MARCKS: variants seen among roughly 807,000 people sequenced by gnomAD.
MARCKS encodes myristoylated alanine-rich C-kinase substrate.
A neutral mutation model predicts 6.3 loss-of-function variants in MARCKS; 4 were observed. The ratio of observed to expected loss-of-function variants is 0.63; its 90% CI spans 0.31 to 1.45. The LOEUF (loss-of-function observed/expected upper bound fraction) is 1.45, where lower values mean the gene tolerates loss of function less well. Among genes scored for constraint, MARCKS ranks in the 40% most tolerant of loss-of-function variants. The pLI, the probability that MARCKS is intolerant of heterozygous loss-of-function variation, is 0.07. For missense variants in MARCKS, 636 were observed against 485.7 expected, an observed-to-expected ratio of 1.31 and a Z score of -2.91; for synonymous variants, 289 against 236.5, an observed-to-expected ratio of 1.22 and a Z score of -2.04.
chr6:113,857,608 C>G lies in MARCKS; in HGVS notation c.-138C>G, dbSNP rs1056419385. On this transcript the variant is annotated 5_prime_UTR_variant, in exon 1 of 2. Coordinates refer to ENST00000612661, the MANE Select transcript of MARCKS (RefSeq NM_002356.7). ...GTTCTGTCCTCTCCACCACCCCCAC[C>G]CCCCTCCCTCCGGTGTGTGTGCCGC... The G allele has an allele frequency of 1.9e-5, 7 of 361,698 alleles. 1 individual carries two copies. In the Admixed American group the frequency reaches 2.9e-4, roughly 15 times the overall value. The allele number at this position is 361,698 out of a possible 1,614,324, so 22.4% of individuals were successfully genotyped here. A position where few individuals can be genotyped will look rare whatever the true frequency, so the allele number is the denominator to read the frequency against.
rs974523509 is a variant in MARCKS at position 113,860,666 on chromosome 6, T to G, written c.*87T>G. On this transcript the variant is annotated 3_prime_UTR_variant, in exon 2 of 2. Transcript: ENST00000612661. ...TGCCAGGTACTGGTTTTGGAGAACT[T>G]GTCTACAACCAGGGATTGATTTTAA... The G allele has an allele frequency of 1.9e-5, 18 of 929,902 alleles. No individual in the cohort carries two copies. The highest frequency in any genetic ancestry group is 2.7e-5 in the Non-Finnish European group (18 of 664,522). The allele number at this position is 929,902 out of a possible 1,614,324, so 57.6% of individuals were successfully genotyped here. A position where few individuals can be genotyped will look rare whatever the true frequency, so the allele number is the denominator to read the frequency against.
At position 113,857,448 on chromosome 6, in the gene MARCKS, CTT is replaced by C; in HGVS notation, c.-290_-289del. On this transcript the variant is annotated 5_prime_UTR_variant, in exon 1 of 2. Coordinates refer to ENST00000612661, the MANE Select transcript of MARCKS (RefSeq NM_002356.7). Reference sequence around the variant, plus strand: ...CAAATCTGGGATTTTTTTATTACTTCTTTTTTTTTCGAACTACACTTGGGCTC... The same window carrying C: ...CAAATCTGGGATTTTTTTATTACTTCTTTTTTTCGAACTACACTTGGGCTC... 2.9e-6 allele frequency: 1 copy of C among 342,648 alleles called. No homozygotes were observed. Among genetic ancestry groups the C allele is most frequent in the Non-Finnish European group, 5.4e-6 (1 of 186,520 alleles). The allele number at this position is 342,648 out of a possible 1,614,324, so 21.2% of individuals were successfully genotyped here.
Position 113,860,646 on chromosome 6 carries a change from G to T in MARCKS, c.*67G>T. 8.3e-7 allele frequency: 1 copy of T among 1,208,418 alleles called. No homozygotes were observed. The highest frequency in any genetic ancestry group is 1.1e-6 in the Non-Finnish European group (1 of 899,212). The allele number at this position is 1,208,418 out of a possible 1,614,324, so 74.9% of individuals were successfully genotyped here. ...CCGTTTGTTTGTTGGAGTGGTGCCAGGTACTGGTTTTGGAGAACTTGTCTA... is the reference window on the plus strand; with the variant it reads ...CCGTTTGTTTGTTGGAGTGGTGCCATGTACTGGTTTTGGAGAACTTGTCTA... On this transcript the variant is annotated 3_prime_UTR_variant, in exon 2 of 2. Coordinates refer to ENST00000612661, the MANE Select transcript of MARCKS (RefSeq NM_002356.7).
chr6:113,857,433 AT>A lies in MARCKS; in HGVS notation c.-306del. Reference sequence around the variant, plus strand: ...TCTACAGTGCGGCTACAAATCTGGGATTTTTTTATTACTTCTTTTTTTTTCG... The same window carrying A: ...TCTACAGTGCGGCTACAAATCTGGGATTTTTTATTACTTCTTTTTTTTTCG... On this transcript the variant is annotated 5_prime_UTR_variant, in exon 1 of 2. Coordinates refer to ENST00000612661, the MANE Select transcript of MARCKS (RefSeq NM_002356.7). The A allele has an allele frequency of 3.2e-6, 1 of 313,646 alleles. No individual in the cohort carries two copies. Among genetic ancestry groups the A allele is most frequent in the East Asian group, 9.4e-5 (1 of 10,616 alleles). The allele number at this position is 313,646 out of a possible 1,614,324, so 19.4% of individuals were successfully genotyped here.
Position 113,862,267 on chromosome 6 carries a change from T to C in MARCKS, c.*1688T>C, listed in dbSNP as rs1377538588. The C allele has an allele frequency of 6.6e-6, 1 of 152,144 alleles. No homozygotes were observed. The highest frequency in any genetic ancestry group is 1.5e-5 in the Non-Finnish European group (1 of 67,966). The allele number at this position is 152,144 out of a possible 1,614,324, so 9.4% of individuals were successfully genotyped here. The stretch of plus-strand genomic sequence containing the variant: ...ATGTGTTTCAAAAATTGATGGTGTA[T>C]TACCTGCTATTGTAATTGCTTAGTG... On this transcript the variant is annotated 3_prime_UTR_variant, in exon 2 of 2. Coordinates refer to ENST00000612661, the MANE Select transcript of MARCKS (RefSeq NM_002356.7).
chr6:113,860,684 G>A lies in MARCKS; in HGVS notation c.*105G>A. 1.4e-6 allele frequency: 1 copy of A among 740,342 alleles called. No individual in the cohort carries two copies. The highest frequency in any genetic ancestry group is 2.0e-6 in the Non-Finnish European group (1 of 512,156). The allele number at this position is 740,342 out of a possible 1,614,324, so 45.9% of individuals were successfully genotyped here. ...GAGAACTTGTCTACAACCAGGGATT[G>A]ATTTTAAAGATGTCTTTTTTTATTT... On this transcript the variant is annotated 3_prime_UTR_variant, in exon 2 of 2. Coordinates refer to ENST00000612661, the MANE Select transcript of MARCKS (RefSeq NM_002356.7).
At chr6:113,859,055 C>T (rs982664915) in intron 1 of MARCKS, among the ~76,000 whole-genome samples, 6 of 152,056 alleles carry the variant, frequency 3.9e-5, no homozygotes, top group African/African-American at 1.4e-4. Context: ...GGCCCGGCGA[C>T]TCCGCCCCTC....
chr6:113,860,466 GC>G lies in MARCKS; in HGVS notation c.891del (p.Ala298ArgfsTer71). 4.3e-6 allele frequency: 6 copies of G among 1,403,620 alleles called. No homozygotes were observed. Among genetic ancestry groups the G allele is most frequent in the South Asian group, 1.5e-5 (1 of 67,284 alleles). 86.9% of individuals were successfully genotyped at this position (1,403,620 alleles called of 1,614,324 possible). A position where few individuals can be genotyped will look rare whatever the true frequency, so the allele number is the denominator to read the frequency against. On this transcript the variant is annotated frameshift_variant, in exon 2 of 2. Transcript: ENST00000612661. LOFTEE classifies it high-confidence loss of function. ...GPGAPPEQEA[A>X]PAEEPAAAAA... is the part of the protein sequence containing the mutation. ...CGGCGCGCCCCCGGAGCAGGAGGCA[GC>G]CCCCGCGGAGGAGCCCGCGGCCGCC...
In MARCKS at chr6:113,862,290, G is replaced by A. The variant is rs1478616150; in HGVS notation, c.*1711G>A. ...TATTACCTGCTATTGTAATTGCTTA[G>A]TGCTTGGCTAATTTCCAAATTATTG... is the stretch of plus-strand genomic sequence containing the variant. On this transcript the variant is annotated 3_prime_UTR_variant, in exon 2 of 2. Coordinates refer to ENST00000612661, the MANE Select transcript of MARCKS (RefSeq NM_002356.7). 1 of 152,000 alleles carries A rather than the reference G, an allele frequency of 6.6e-6. No homozygotes were observed. The highest frequency in any genetic ancestry group is 1.9e-4 in the East Asian group (1 of 5,198). The allele number at this position is 152,000 out of a possible 1,614,324, so 9.4% of individuals were successfully genotyped here.
Position 113,860,406 on chromosome 6 carries a change from G to GCCGCCGCCTGCGAGGCCCCCT in MARCKS, c.835_855dup (p.Cys279_Ala285dup), listed in dbSNP as rs1269846455. The stretch of plus-strand genomic sequence containing the variant: ...AAAGGCCGAGGAGGCCGGGGCCAGC[G>GCCGCCGCCTGCGAGGCCCCCT]CCGCCGCCTGCGAGGCCCCCTCCGC... On this transcript the variant is annotated inframe_insertion, in exon 2 of 2. Coordinates refer to ENST00000612661, the MANE Select transcript of MARCKS (RefSeq NM_002356.7). 2.6e-6 allele frequency: 3 copies of GCCGCCGCCTGCGAGGCCCCCT among 1,156,172 alleles called. No individual in the cohort carries two copies. Among genetic ancestry groups the GCCGCCGCCTGCGAGGCCCCCT allele is most frequent in the Non-Finnish European group, 3.2e-6 (3 of 926,208 alleles). 71.6% of individuals were successfully genotyped at this position (1,156,172 alleles called of 1,614,324 possible).
At position 113,861,811 on chromosome 6, in the gene MARCKS, TTG is replaced by T; in HGVS notation, c.*1236_*1237del. The stretch of plus-strand genomic sequence containing the variant: ...AATGTGAATAAAATGTACAAATTTG[TTG>T]TGTTTTTTTATGTTCTAATAATACT... On this transcript the variant is annotated 3_prime_UTR_variant, in exon 2 of 2. Transcript: ENST00000612661. 6.5e-6 allele frequency: 1 copy of T among 152,716 alleles called. No homozygotes were observed. The highest frequency in any genetic ancestry group is 1.9e-4 in the East Asian group (1 of 5,190). The allele number at this position is 152,716 out of a possible 1,614,324, so 9.5% of individuals were successfully genotyped here.
Position 113,863,323 on chromosome 6 carries a change from C to G in MARCKS, c.*2744C>G, listed in dbSNP as rs1774931797. The stretch of plus-strand genomic sequence containing the variant: ...TGAGATTAAGGAAAAATAAATAACT[C>G]TTGTACAGTTCAGTATTGTCTATTA... On this transcript the variant is annotated 3_prime_UTR_variant, in exon 2 of 2. Transcript: ENST00000612661. 6.6e-6 allele frequency: 1 copy of G among 152,052 alleles called. No homozygotes were observed. Among genetic ancestry groups the G allele is most frequent in the Non-Finnish European group, 1.5e-5 (1 of 67,982 alleles). The allele number at this position is 152,052 out of a possible 1,614,324, so 9.4% of individuals were successfully genotyped here.
rs1357883312 is a variant in MARCKS, at chr6:113,861,539, T to C, written c.*960T>C. 3 of 152,628 alleles carry C rather than the reference T, an allele frequency of 2.0e-5. No individual in the cohort carries two copies. Among genetic ancestry groups the C allele is most frequent in the Non-Finnish European group, 4.4e-5 (3 of 68,026 alleles). 9.5% of individuals were successfully genotyped at this position (152,628 alleles called of 1,614,324 possible). A position where few individuals can be genotyped will look rare whatever the true frequency, so the allele number is the denominator to read the frequency against. On this transcript the variant is annotated 3_prime_UTR_variant, in exon 2 of 2. Coordinates refer to ENST00000612661, the MANE Select transcript of MARCKS (RefSeq NM_002356.7). ...TGATAAGTGGAATGGTTACTGTTTA[T>C]ACTGTGGTATGTTTTTGATTACAGC...
Position 113,863,076 on chromosome 6 carries a change from A to G in MARCKS, c.*2497A>G, listed in dbSNP as rs1221100245. On this transcript the variant is annotated 3_prime_UTR_variant, in exon 2 of 2. Coordinates refer to ENST00000612661, the MANE Select transcript of MARCKS (RefSeq NM_002356.7). Reference sequence around the variant, plus strand: ...AAATCCTGTTAGCAAACTGTTATATATTGCTAAGTTTGTTCTTTTAACAGC... The same window carrying G: ...AAATCCTGTTAGCAAACTGTTATATGTTGCTAAGTTTGTTCTTTTAACAGC... The G allele has an allele frequency of 6.6e-6, 1 of 152,140 alleles. No homozygotes were observed. The highest frequency in any genetic ancestry group is 2.4e-5 in the African/African-American group (1 of 41,442). The allele number at this position is 152,140 out of a possible 1,614,324, so 9.4% of individuals were successfully genotyped here. A position where few individuals can be genotyped will look rare whatever the true frequency, so the allele number is the denominator to read the frequency against.
rs1280048603 is a variant in MARCKS at position 113,860,270 on chromosome 6, G to A, written c.690G>A (p.Ala230=). Residue 230 remains alanine, a synonymous_variant, in exon 2 of 2, where the codon GCG becomes GCA. Transcript: ENST00000612661. The stretch of plus-strand genomic sequence containing the variant: ...CGGCAGCGGGCGAGGAGGGGGCGGC[G>A]GGTGGCGACCCGCAGGAGGCCAAGC... ...EEAAAGEEGA[A]GGDPQEAKPQ... is the part of the protein sequence containing the mutation. The A allele has an allele frequency of 2.5e-5, 30 of 1,185,598 alleles. No homozygotes were observed. The highest frequency in any genetic ancestry group is 8.9e-5 in the Admixed American group (2 of 22,592). 73.4% of individuals were successfully genotyped at this position (1,185,598 alleles called of 1,614,324 possible). A position where few individuals can be genotyped will look rare whatever the true frequency, so the allele number is the denominator to read the frequency against.
Position 113,857,705 on chromosome 6 carries a change from C to G in MARCKS, c.-41C>G, listed in dbSNP as rs1233242439. 3 of 1,490,900 alleles carry G rather than the reference C, an allele frequency of 2.0e-6. No individual in the cohort carries two copies. Among genetic ancestry groups the G allele is most frequent in the East Asian group, 5.0e-5 (2 of 40,152 alleles). 92.4% of individuals were successfully genotyped at this position (1,490,900 alleles called of 1,614,324 possible). ...ACACCAACCCGAGGCTCTTTGTTTC[C>G]CCTCTTGGATCTGTTGAGTTTCTTT... is the stretch of plus-strand genomic sequence containing the variant. On this transcript the variant is annotated 5_prime_UTR_variant, in exon 1 of 2. Transcript: ENST00000612661.
chr6:113,860,523 C>T lies in MARCKS; in HGVS notation c.943C>T (p.Gln315Ter). 6.4e-7 allele frequency: 1 copy of T among 1,553,628 alleles called. No individual in the cohort carries two copies. The highest frequency in any genetic ancestry group is 8.7e-7 in the Non-Finnish European group (1 of 1,154,262). Residue 315 changes from glutamine (Q) to a stop codon, truncating the protein, a stop_gained, in exon 2 of 2, where the codon CAG becomes TAG. Coordinates refer to ENST00000612661, the MANE Select transcript of MARCKS (RefSeq NM_002356.7). LOFTEE classifies it high-confidence loss of function. The stretch of plus-strand genomic sequence containing the variant: ...CTCGTCAGCCTGCGCAGCCCCCTCA[C>T]AGGAGGCCCAGCCCGAGTGCAGTCC... ...AASSACAAPSQEAQPECSPEA... is the reference protein window; with the variant it reads ...AASSACAAPS
rs1342435992 is a variant in MARCKS at position 113,862,149 on chromosome 6, C to T, written c.*1570C>T. 1 of 152,024 alleles carries T rather than the reference C, an allele frequency of 6.6e-6. No individual in the cohort carries two copies. Among genetic ancestry groups the T allele is most frequent in the African/African-American group, 2.4e-5 (1 of 41,402 alleles). The allele number at this position is 152,024 out of a possible 1,614,324, so 9.4% of individuals were successfully genotyped here. A position where few individuals can be genotyped will look rare whatever the true frequency, so the allele number is the denominator to read the frequency against. On this transcript the variant is annotated 3_prime_UTR_variant, in exon 2 of 2. Transcript: ENST00000612661. The stretch of plus-strand genomic sequence containing the variant: ...TGTCTTATGAGAAAATTTCATAAAG[C>T]CATTCTCTTGTCATTCAGGTCCAGA...
At chr6:113,859,156 C>G (rs1214189518) in intron 1 of MARCKS, among the ~76,000 whole-genome samples, 1 of 152,176 alleles carries the variant, frequency 6.6e-6, no homozygotes, top group African/African-American at 2.4e-5. Flanking sequence ...CTCGGAGGGC[C>G]CCGCGCGGGC....
Sources: allele counts gnomAD v4.1 joint callset (sites outside exome capture counted in the v4.1 genomes callset), GRCh38; gene constraint gnomAD v4.1.1; transcripts MANE v1.5; gene names NCBI Gene and HGNC (gene_info 2026-07-23, HGNC 2026-07-21).